EYS: variants seen among roughly 807,000 people sequenced by gnomAD.
EYS encodes the protein EGF-like photoreceptor maintenance factor.
Under a neutral mutation model 282.1 loss-of-function variants are expected in EYS, and 250 were observed. The ratio of observed to expected loss-of-function variants is 0.89; its 90% CI spans 0.80 to 0.98. The LOEUF is 0.98. Ranked by LOEUF, EYS falls within the 50% of genes least tolerant of loss-of-function variation. EYS has a pLI of 0.00. For missense variants in EYS, 4,016 were observed against 3,709.0 expected, an observed-to-expected ratio of 1.08 and a Z score of -2.15; for synonymous variants, 1,355 against 1,282.9, an observed-to-expected ratio of 1.06 and a Z score of -1.20.
intron 2 of EYS, among the ~76,000 whole-genome samples, chr6:65,558,725 T>C (rs1768914691): frequency 6.6e-6 from 1 of 152,228 alleles, no homozygotes; most frequent in African/African-American, 2.4e-5. Flanking sequence ...ATTACCTTTC[T>C]ACTTGACCCC....
intron 12 of EYS, among the ~76,000 whole-genome samples, chr6:65,123,758 C>CACA (rs1554157087): frequency 0.035 from 5,101 of 147,002 alleles, 219 homozygotes; most frequent in African/African-American, 0.1. Flanking sequence ...ACCCACCCAC[C>CACA]CACACACACA....
At chr6:64,452,857 T>C (rs550425416) in intron 26 of EYS, among the ~76,000 whole-genome samples, 1 of 152,252 alleles carries the variant, frequency 6.6e-6, no homozygotes, top group African/African-American at 2.4e-5. Context: ...CAAAAATTAA[T>C]TCAAGATGGA....
At chr6:64,241,347 G>A (rs757309121) in intron 30 of EYS, among the ~76,000 whole-genome samples, 1 of 152,084 alleles carries the variant, frequency 6.6e-6, no homozygotes, top group Non-Finnish European at 1.5e-5. Flanking sequence ...ACCTCTGGTA[G>A]AATTCAGCCA....
chr6:64,165,658 T>C (rs1353632912), intron 31 of EYS, among the ~76,000 whole-genome samples: 1 of 152,164 alleles, frequency 6.6e-6, no homozygotes, highest in Non-Finnish European at 1.5e-5. Flanking sequence ...TCACAAGTAT[T>C]GGCAAGGGAC....
At chr6:65,346,173 G>A (rs1007356953) in intron 9 of EYS, among the ~76,000 whole-genome samples, 1 of 151,700 alleles carries the variant, frequency 6.6e-6, no homozygotes, top group Non-Finnish European at 1.5e-5. Flanking sequence ...CTGTCATAGA[G>A]CTCCAGTCAT....
At chr6:64,664,282 T>C (rs1460566997) in intron 22 of EYS, among the ~76,000 whole-genome samples, 1 of 152,222 alleles carries the variant, frequency 6.6e-6, no homozygotes, top group Non-Finnish European at 1.5e-5. Context: ...TCTCAGATGA[T>C]AGATGATGTG....
chr6:64,331,361 G>T (rs1257013721), intron 29 of EYS, among the ~76,000 whole-genome samples: 1 of 152,112 alleles, frequency 6.6e-6, no homozygotes, highest in African/African-American at 2.4e-5. Context: ...GCATCAAACA[G>T]GAGGGCGTGA....
intron 36 of EYS, among the ~76,000 whole-genome samples, chr6:63,829,835 A>G (rs1582251974): frequency 6.6e-6 from 1 of 152,244 alleles, no homozygotes; most frequent in African/African-American, 2.4e-5. Context: ...CTGACACCTC[A>G]TAGAGCTAGG....
intron 11 of EYS, among the ~76,000 whole-genome samples, chr6:65,327,205 C>T (rs766280763): frequency 4.0e-5 from 6 of 151,496 alleles, no homozygotes; most frequent in Non-Finnish European, 7.4e-5. Flanking sequence ...TCTGTAGTTC[C>T]AGCCTTGTTC....
At chr6:63,915,624 G>T (rs1042954126) in intron 35 of EYS, among the ~76,000 whole-genome samples, 7 of 152,180 alleles carry the variant, frequency 4.6e-5, no homozygotes, top group Non-Finnish European at 8.8e-5. Context: ...AAACCTTTCT[G>T]GAAAGAATTC....
At chr6:65,490,985 A>C (rs1424822971) in intron 4 of EYS, among the ~76,000 whole-genome samples, 2 of 152,000 alleles carry the variant, frequency 1.3e-5, no homozygotes, top group Non-Finnish European at 2.9e-5. Context: ...TTAAAATTTT[A>C]ATTGTATTTT....
At chr6:65,687,397 A>C (rs1769061983) in intron 1 of EYS, among the ~76,000 whole-genome samples, 1 of 152,082 alleles carries the variant, frequency 6.6e-6, no homozygotes, top group Admixed American at 6.6e-5. Flanking sequence ...AATCTGAATA[A>C]TTTAGGGACA....
intron 26 of EYS, among the ~76,000 whole-genome samples, chr6:64,567,998 T>C (rs1562066300): frequency 6.6e-6 from 1 of 152,174 alleles, no homozygotes; most frequent in Non-Finnish European, 1.5e-5. Context: ...GGAACACAAA[T>C]GGAACATGGC....
At chr6:63,937,992 T>C (rs569230764) in intron 35 of EYS, among the ~76,000 whole-genome samples, 1 of 152,328 alleles carries the variant, frequency 6.6e-6, no homozygotes, top group Admixed American at 6.5e-5. Flanking sequence ...ATCAATTCCA[T>C]TTAATTGGAA....
intron 11 of EYS, among the ~76,000 whole-genome samples, chr6:65,307,664 A>T (rs902351133): frequency 1.4e-5 from 2 of 138,344 alleles, no homozygotes; most frequent in Non-Finnish European, 3.3e-5. Context: ...TACATCCATA[A>T]ATCACTTGGA....
At chr6:64,506,503 A>T (rs1030623376) in intron 26 of EYS, among the ~76,000 whole-genome samples, 1 of 152,240 alleles carries the variant, frequency 6.6e-6, no homozygotes, top group Non-Finnish European at 1.5e-5. Context: ...CTTTAGTTTT[A>T]GCACAATAAA....
At chr6:64,298,504 C>T (rs1038891264) in intron 30 of EYS, among the ~76,000 whole-genome samples, 4 of 151,686 alleles carry the variant, frequency 2.6e-5, no homozygotes, top group African/African-American at 4.8e-5. Context: ...GGCTGTTAAT[C>T]GCATGGTAAC....
chr6:64,477,395 T>C (rs1776306639), intron 26 of EYS, among the ~76,000 whole-genome samples: 1 of 152,142 alleles, frequency 6.6e-6, no homozygotes, highest in South Asian at 2.1e-4. Flanking sequence ...CTTAACTTTA[T>C]ATAATTTTAT....
chr6:64,442,165 CTTG>C (rs1774970791), intron 26 of EYS, among the ~76,000 whole-genome samples: 1 of 152,096 alleles, frequency 6.6e-6, no homozygotes, highest in Non-Finnish European at 1.5e-5. Context: ...AGATTAGGAA[CTTG>C]TTGGGAAATG....
Sources: gnomAD v4.1 joint callset for allele counts (sites outside exome capture counted in the v4.1 genomes callset) on GRCh38, gnomAD v4.1.1 for gene constraint, MANE v1.5 for transcripts, NCBI Gene and HGNC (gene_info 2026-07-23, HGNC 2026-07-21) for gene names.